Variants in PLXDC2 observed in about 807,000 individuals in gnomAD.
PLXDC2 encodes plexin domain containing 2.
Under a neutral mutation model 68.9 loss-of-function variants are expected in PLXDC2, and 40 were observed. That is an observed-to-expected ratio of 0.58 (90% CI 0.45 to 0.76). The LOEUF is 0.76. Among genes scored for constraint, PLXDC2 ranks in the 30% least tolerant of loss-of-function variants. The pLI is 0.00. For missense variants in PLXDC2, 644 were observed against 661.9 expected, an observed-to-expected ratio of 0.97 and a Z score of 0.30; for synonymous variants, 243 against 234.2, an observed-to-expected ratio of 1.04 and a Z score of -0.34.
intron 2 of PLXDC2, among the ~76,000 whole-genome samples, chr10:20,031,770 A>C (rs932255057): frequency 7.2e-5 from 11 of 152,198 alleles, no homozygotes; most frequent in Non-Finnish European, 1.5e-4. Context: ...AATCACTATA[A>C]TACAGAATTG....
intron 1 of PLXDC2, among the ~76,000 whole-genome samples, chr10:19,891,854 G>A (rs1190552033): frequency 2.6e-5 from 4 of 152,140 alleles, no homozygotes; most frequent in African/African-American, 9.7e-5. Context: ...ATGTGAAATT[G>A]CTTCTTTGAT....
intron 1 of PLXDC2, among the ~76,000 whole-genome samples, chr10:19,968,763 T>G (rs10827913): frequency 0.12 from 18,966 of 152,218 alleles, 1,252 homozygotes; most frequent in African/African-American, 0.16. Flanking sequence ...GAGGAAATAC[T>G]CAAATAAAAT....
chr10:19,949,718 C>G (rs550578571), intron 1 of PLXDC2, among the ~76,000 whole-genome samples: 2 of 152,202 alleles, frequency 1.3e-5, no homozygotes, highest in South Asian at 4.1e-4. Context: ...TACACTGGGA[C>G]TAGAAAATAG....
chr10:20,242,867 G>A (rs1394546428), intron 12 of PLXDC2, among the ~76,000 whole-genome samples: 2 of 152,014 alleles, frequency 1.3e-5, no homozygotes, highest in Admixed American at 6.6e-5. Flanking sequence ...CCGCCACCAA[G>A]CCTGGCTAAT....
intron 9 of PLXDC2, among the ~76,000 whole-genome samples, chr10:20,197,882 G>C (rs1216986826): frequency 6.6e-6 from 1 of 152,150 alleles, no homozygotes; most frequent in Non-Finnish European, 1.5e-5. Flanking sequence ...ACTCTGGTTA[G>C]TGGCCCAAGT....
At chr10:19,918,327 G>C (rs1833403588) in intron 1 of PLXDC2, among the ~76,000 whole-genome samples, 1 of 152,168 alleles carries the variant, frequency 6.6e-6, no homozygotes, top group Non-Finnish European at 1.5e-5. Context: ...TGCAGTAGTT[G>C]AGAAAATGCT....
At chr10:20,137,646 A>G (rs1833951300) in intron 4 of PLXDC2, among the ~76,000 whole-genome samples, 1 of 152,228 alleles carries the variant, frequency 6.6e-6, no homozygotes, top group Non-Finnish European at 1.5e-5. Flanking sequence ...CTCCTTGTTT[A>G]AGTATAAAAT....
intron 1 of PLXDC2, among the ~76,000 whole-genome samples, chr10:19,915,200 G>C (rs952604982): frequency 4.6e-5 from 7 of 152,190 alleles, no homozygotes; most frequent in African/African-American, 1.7e-4. Flanking sequence ...TTGTTTATCT[G>C]CTTCCCCTTT....
At chr10:20,165,660 G>A (rs1317352462) in intron 7 of PLXDC2, among the ~76,000 whole-genome samples, 3 of 152,118 alleles carry the variant, frequency 2.0e-5, no homozygotes, top group African/African-American at 7.2e-5. Context: ...GAAAGAAAAG[G>A]TACAAATTTA....
intron 13 of PLXDC2, among the ~76,000 whole-genome samples, chr10:20,255,906 A>G (rs1835735927): frequency 6.6e-6 from 1 of 152,084 alleles, no homozygotes; most frequent in Non-Finnish European, 1.5e-5. Flanking sequence ...AAACTTCCTT[A>G]ATAGAAACAA....
chr10:19,862,056 T>C (rs12266731), intron 1 of PLXDC2, among the ~76,000 whole-genome samples: 25,458 of 152,200 alleles, frequency 0.17, 2,183 homozygotes, highest in Admixed American at 0.23. Context: ...ACATAGGAGA[T>C]AAGGAAAGAT....
intron 1 of PLXDC2, among the ~76,000 whole-genome samples, chr10:19,885,551 CA>C (rs1837828373): frequency 6.6e-6 from 1 of 152,036 alleles, no homozygotes; most frequent in South Asian, 2.1e-4. Context: ...GGAAGGGATC[CA>C]GTTTCAGCTT....
chr10:20,136,881 G>A (rs914285263), intron 4 of PLXDC2, among the ~76,000 whole-genome samples: 1 of 152,178 alleles, frequency 6.6e-6, no homozygotes, highest in Non-Finnish European at 1.5e-5. Flanking sequence ...AGCAATTATA[G>A]CTTCTTTGTG....
At chr10:20,112,775 C>G (rs1200711655) in intron 4 of PLXDC2, among the ~76,000 whole-genome samples, 1 of 152,104 alleles carries the variant, frequency 6.6e-6, no homozygotes, top group Non-Finnish European at 1.5e-5. Context: ...AAAATTTTTA[C>G]CGTGGAATAT....
At chr10:19,822,133 ATATATATGCAC>A (rs1204654322) in intron 1 of PLXDC2, among the ~76,000 whole-genome samples, 1 of 150,952 alleles carries the variant, frequency 6.6e-6, no homozygotes, top group Non-Finnish European at 1.5e-5. Flanking sequence ...TCCATTGTGC[ATATATATGCAC>A]TATATATGCA....
chr10:20,120,252 G>C (rs1833678163), intron 4 of PLXDC2, among the ~76,000 whole-genome samples: 1 of 152,188 alleles, frequency 6.6e-6, no homozygotes, highest in Non-Finnish European at 1.5e-5. Flanking sequence ...CTATACAGGA[G>C]CTCAAATGGG....
intron 13 of PLXDC2, among the ~76,000 whole-genome samples, chr10:20,261,599 A>G (rs1588549725): frequency 6.6e-6 from 1 of 152,174 alleles, no homozygotes; most frequent in African/African-American, 2.4e-5. Context: ...TCATGCTTGT[A>G]ATCCCTGCAG....
At chr10:20,066,050 C>A (rs1836205365) in intron 3 of PLXDC2, among the ~76,000 whole-genome samples, 1 of 152,154 alleles carries the variant, frequency 6.6e-6, no homozygotes, top group African/African-American at 2.4e-5. Context: ...TAGCGACTGG[C>A]AAGAAATGAA....
chr10:20,043,193 G>T (rs896291499), intron 2 of PLXDC2: 21 of 152,160 alleles, frequency 1.4e-4, no homozygotes, highest in African/African-American at 5.1e-4. Flanking sequence ...AATAATGTGT[G>T]TCTCTGCATT....
Sources: gnomAD v4.1 joint callset for allele counts (sites outside exome capture counted in the v4.1 genomes callset) on GRCh38, gnomAD v4.1.1 for gene constraint, MANE v1.5 for transcripts, NCBI Gene and HGNC (gene_info 2026-07-23, HGNC 2026-07-21) for gene names.